SMURF2: variants seen among roughly 807,000 people sequenced by gnomAD.
SMURF2 encodes the protein E3 ubiquitin-protein ligase SMURF2.
In SMURF2, 48 loss-of-function variants were observed where a neutral mutation model predicts 109.6. The observed-to-expected ratio is 0.44, with a 90% CI of 0.35 to 0.56. SMURF2 has a LOEUF of 0.56. SMURF2 is among the 20% of genes least tolerant of loss of function. The pLI, the probability that SMURF2 is intolerant of heterozygous loss-of-function variation, is 0.01. For missense variants in SMURF2, 575 were observed against 909.0 expected (o/e 0.63, Z 4.72); for synonymous variants, 288 against 317.1 (o/e 0.91, Z 0.97).
At chr17:64,591,481 A>G (rs1164804384) in intron 4 of SMURF2, among the ~76,000 whole-genome samples, 3 of 152,202 alleles carry the variant, frequency 2.0e-5, no homozygotes. Flanking sequence ...CTCTCAGCAT[A>G]GTGCCTGGCA....
At chr17:64,621,509 G>T (rs1198670895) in intron 1 of SMURF2, among the ~76,000 whole-genome samples, 1 of 149,770 alleles carries the variant, frequency 6.7e-6, no homozygotes, top group Non-Finnish European at 1.5e-5. Context: ...GAATCCAGGG[G>T]GCAGAGGTTG....
intron 1 of SMURF2, 107 bp downstream of exon 1, chr17:64,661,722 C>A: frequency 1.3e-6 from 1 of 760,104 alleles, no homozygotes; most frequent in South Asian, 6.5e-5. Context: ...TCCTCCGACC[C>A]CCAACTCATC....
chr17:64,650,777 T>C (rs1568211092), intron 1 of SMURF2, among the ~76,000 whole-genome samples: 2 of 147,610 alleles, frequency 1.4e-5, no homozygotes, highest in Non-Finnish European at 3.0e-5. Context: ...TTGCAGTGAG[T>C]GGAGATCGTG....
At chr17:64,595,820 A>AC (rs1300954568) in intron 3 of SMURF2, among the ~76,000 whole-genome samples, 1 of 152,192 alleles carries the variant, frequency 6.6e-6, no homozygotes, top group Non-Finnish European at 1.5e-5. Flanking sequence ...CTTCATACCC[A>AC]CTAGGGTGGC....
rs1245571383 is a variant in SMURF2, at chr17:64,581,728, T to C, written c.570-737A>G. ...GGGAGACCGAAGCGAGCGGATCACT[T>C]GAGGTCAGGAGTTTGAGACCAGCCT... is the stretch of plus-strand genomic sequence containing the variant. On this transcript the variant is annotated intron_variant, in intron 7 of 18. Coordinates refer to ENST00000262435, the MANE Select transcript of SMURF2 (RefSeq NM_022739.4). This position sits in a 1 kb window ranked among gnomAD's most constrained non-coding sequence, Gnocchi z 4.3. Among the ~76,000 whole-genome samples the C allele has an allele frequency of 2.0e-5, 3 of 152,092 alleles. No individual in the cohort carries two copies. The highest frequency in any genetic ancestry group is 7.2e-5 in the African/African-American group (3 of 41,410).
chr17:64,608,187 C>T (rs1315713630), intron 1 of SMURF2, among the ~76,000 whole-genome samples: 1 of 151,902 alleles, frequency 6.6e-6, no homozygotes, highest in Non-Finnish European at 1.5e-5. Flanking sequence ...TCCACTTCTA[C>T]TAACAGTTTA....
chr17:64,567,622 G>A (rs1555685136), intron 10 of SMURF2, among the ~76,000 whole-genome samples: 1 of 152,196 alleles, frequency 6.6e-6, no homozygotes, highest in African/African-American at 2.4e-5. Flanking sequence ...AAAAAGAACT[G>A]TCTCAGGCCA....
chr17:64,604,045 T>A (rs184160024), intron 2 of SMURF2, among the ~76,000 whole-genome samples: 1 of 152,376 alleles, frequency 6.6e-6, no homozygotes, highest in African/African-American at 2.4e-5. Context: ...CATTCATTTA[T>A]ATTTAATTGA....
chr17:64,638,031 C>T (rs1300117928), intron 1 of SMURF2, among the ~76,000 whole-genome samples: 2 of 145,788 alleles, frequency 1.4e-5, no homozygotes, highest in Non-Finnish European at 3.0e-5. Flanking sequence ...CAGTACCACA[C>T]TTTCCCATGA....
At position 64,603,044 on chromosome 17, in the gene SMURF2, TAATAA is replaced by T. The variant is rs1179674281; in HGVS notation, c.91+3553_91+3557del. 4.6e-5 allele frequency among the ~76,000 whole-genome samples: 7 copies of T among 150,990 alleles called. No homozygotes were observed. In the East Asian group the frequency reaches 1.4e-3, roughly 29 times the overall value. On this transcript the variant is annotated intron_variant, in intron 2 of 18. Transcript: ENST00000262435. The stretch of plus-strand genomic sequence containing the variant: ...AATGCACTTGAAAAGCTGCAAATAA[TAATAA>T]AATAACATTTTCAACTCAAAAGTGT...
At chr17:64,659,250 T>TAA (rs1490316294) in intron 1 of SMURF2, among the ~76,000 whole-genome samples, 3 of 152,174 alleles carry the variant, frequency 2.0e-5, no homozygotes, top group Non-Finnish European at 4.4e-5. Context: ...TATTATCAAG[T>TAA]AACTAAAGTT....
At chr17:64,599,404 A>G (rs1969862311) in intron 2 of SMURF2, among the ~76,000 whole-genome samples, 2 of 152,180 alleles carry the variant, frequency 1.3e-5, no homozygotes, top group African/African-American at 2.4e-5. Flanking sequence ...GCTCAGAAAA[A>G]CAGGAGAAAA....
In SMURF2 at chr17:64,613,668, G is replaced by A. The variant is rs1207453865; in HGVS notation, c.53-7028C>T. Among the ~76,000 whole-genome samples, 14 of 131,100 alleles carry A rather than the reference G, an allele frequency of 1.1e-4. No homozygotes were observed. The East Asian group carries it at 1.9e-3, about 18-fold the overall frequency. The allele number at this position is 131,100 out of a possible 152,430, so 86.0% of individuals were successfully genotyped here. A position where few individuals can be genotyped will look rare whatever the true frequency, so the allele number is the denominator to read the frequency against. ...GCTTCATGGAAGACAAGTTTTCCAC[G>A]GACCAGTGTGTGTGTGTGTGTGTGT... On this transcript the variant is annotated intron_variant, in intron 1 of 18. Coordinates refer to ENST00000262435, the MANE Select transcript of SMURF2 (RefSeq NM_022739.4).
At chr17:64,566,730 C>T (rs1969318389) in intron 10 of SMURF2, among the ~76,000 whole-genome samples, 1 of 150,198 alleles carries the variant, frequency 6.7e-6, no homozygotes. Flanking sequence ...TGCCACCATG[C>T]CCGGCTAATT....
chr17:64,575,020 A>ACTCCATCTCAAAAACATTAATTAAT, intron 9 of SMURF2, among the ~76,000 whole-genome samples: 1 of 152,074 alleles, frequency 6.6e-6, no homozygotes, highest in African/African-American at 2.4e-5. Context: ...CTTCAACTAG[A>ACTCCATCTCAAAAACATTAATTAAT]TAAACAGAAT....
chr17:64,597,231 C>T (rs1969830795), intron 3 of SMURF2, among the ~76,000 whole-genome samples: 1 of 151,872 alleles, frequency 6.6e-6, no homozygotes, highest in Admixed American at 6.6e-5. Context: ...TAGCAAGACC[C>T]CATCTCTACA....
rs1469840895 is a variant in SMURF2, at chr17:64,581,947, C to T, written c.570-956G>A. On this transcript the variant is annotated intron_variant, in intron 7 of 18. Transcript: ENST00000262435. This position sits in a 1 kb window ranked among gnomAD's most constrained non-coding sequence, Gnocchi z 4.3. ...CTGCACTCTAGCCTAGGCAATAGAGCGGGACTCCATCTCCAAAAAAAAAAA... is the reference window on the plus strand; with the variant it reads ...CTGCACTCTAGCCTAGGCAATAGAGTGGGACTCCATCTCCAAAAAAAAAAA... Among the ~76,000 whole-genome samples the T allele has an allele frequency of 6.7e-6, 1 of 149,176 alleles. No individual in the cohort carries two copies. Among genetic ancestry groups the T allele is most frequent in the East Asian group, 1.9e-4 (1 of 5,136 alleles).
chr17:64,574,583 A>C (rs1295277395), intron 9 of SMURF2, among the ~76,000 whole-genome samples: 1 of 152,242 alleles, frequency 6.6e-6, no homozygotes, highest in Admixed American at 6.5e-5. Flanking sequence ...TACTTTCATA[A>C]AAGATCTTCC....
chr17:64,606,662 A>T (rs782669208), intron 1 of SMURF2, 22 bp from the exon 2 acceptor site: 10 of 1,475,804 alleles, frequency 6.8e-6, no homozygotes, highest in Non-Finnish European at 9.2e-6. Context: ...AAAAACAAAA[A>T]ATACATGGGA....
Sources: gnomAD v4.1 joint callset for allele counts (sites outside exome capture counted in the v4.1 genomes callset) on GRCh38, gnomAD v4.1.1 for gene constraint, Gnocchi (gnomAD v3.1) non-coding constraint, MANE v1.5 for transcripts, NCBI Gene and HGNC (gene_info 2026-07-23, HGNC 2026-07-21) for gene names.